SIDT1: variants seen among roughly 807,000 people sequenced by gnomAD.
The protein encoded by SIDT1 is SID1 transmembrane family, member 1.
Under a neutral mutation model 107.5 loss-of-function variants are expected in SIDT1, and 101 were observed. The ratio of observed to expected loss-of-function variants is 0.94; its 90% CI spans 0.80 to 1.11. The LOEUF (loss-of-function observed/expected upper bound fraction) is 1.11. SIDT1 is among the 50% of genes least tolerant of loss of function. SIDT1 has a pLI of 0.00. For missense variants in SIDT1, 1,076 were observed against 1,058.2 expected (o/e 1.02, Z -0.23); for synonymous variants, 395 against 398.2 (o/e 0.99, Z 0.10).
chr3:113,611,839 G>A (rs1037127236), intron 18 of SIDT1, among the ~76,000 whole-genome samples: 28 of 151,802 alleles, frequency 1.8e-4, no homozygotes, highest in African/African-American at 6.0e-4. Flanking sequence ...CTTTAGACCC[G>A]TTGCCCCTTC....
intron 19 of SIDT1, among the ~76,000 whole-genome samples, chr3:113,612,957 T>C (rs1254084616): frequency 6.6e-6 from 1 of 151,916 alleles, no homozygotes; most frequent in African/African-American, 2.4e-5. Context: ...TGTAAGAACA[T>C]CAAAGTCATA....
In SIDT1 at chr3:113,580,613, T is replaced by C; in HGVS notation, c.567T>C (p.Phe189=). 6 of 1,590,388 alleles carry C rather than the reference T, an allele frequency of 3.8e-6. No homozygotes were observed. Among genetic ancestry groups the C allele is most frequent in the Non-Finnish European group, 5.2e-6 (6 of 1,158,794 alleles). The change falls in exon 5 of 25, where the codon TTT becomes TTC. Residue 189 remains phenylalanine, a synonymous_variant. Transcript: ENST00000264852. ...TTTCTTTTTCTTATTCTCAGTATTT[T>C]CTATACAAGTTTCCCAAAGACGTGG... ...FTASPSQPQY[F]LYKFPKDVDS... is the part of the protein sequence containing the mutation.
rs766233454 is a variant in SIDT1 at position 113,623,673 on chromosome 3, C to A, written c.2247C>A (p.Ala749=). ...CAGTCCCGCTCTTCTGCATCGTGGC[C>A]ACCGCTGTGATGTGGGCTGCCGCCC... ...VLPVPLFCIV[A]TAVMWAAALY... Residue 749 remains alanine (A), a synonymous_variant, in exon 23 of 25, where the codon GCC becomes GCA. Transcript: ENST00000264852. The A allele has an allele frequency of 9.9e-6, 16 of 1,614,054 alleles. No individual in the cohort carries two copies. The highest frequency in any genetic ancestry group is 1.4e-5 in the Non-Finnish European group (16 of 1,180,034).
Position 113,608,175 on chromosome 3 carries a change from C to T in SIDT1, c.1560C>T (p.Ile520=). ...TGCTGATAGTCTTGCGCCGCGACAT[C>T]CTCCATCGGAGAGCCCTGGAAGCCA... ...LFLLIVLRRD[I]LHRRALEAKD... is the part of the protein sequence containing the mutation. Residue 520 remains isoleucine (I), a synonymous_variant, in exon 16 of 25, where the codon ATC becomes ATT. Coordinates refer to ENST00000264852, the MANE Select transcript of SIDT1 (RefSeq NM_017699.3). 2.5e-6 allele frequency: 4 copies of T among 1,611,046 alleles called. No individual in the cohort carries two copies. Among genetic ancestry groups the T allele is most frequent in the Non-Finnish European group, 3.4e-6 (4 of 1,178,774 alleles).
intron 6 of SIDT1, chr3:113,581,905 A>G (rs921998458): frequency 6.4e-6 from 1 of 155,098 alleles, no homozygotes; most frequent in Non-Finnish European, 1.4e-5. Context: ...AGACAATGCT[A>G]CTCTACCAGG....
chr3:113,616,083 A>C lies in SIDT1; in HGVS notation c.1967-17A>C. ...TGTTGACTAAGCCTTCTCACCATGC[A>C]TTTGTATTATCAGCAGATTTGGGAA... On this transcript the variant is annotated splice_polypyrimidine_tract_variant and intron_variant, in intron 19 of 24. Coordinates refer to ENST00000264852, the MANE Select transcript of SIDT1 (RefSeq NM_017699.3). 1.9e-6 allele frequency: 3 copies of C among 1,597,474 alleles called. No homozygotes were observed. The highest frequency in any genetic ancestry group is 2.6e-6 in the Non-Finnish European group (3 of 1,164,778).
chr3:113,567,049 T>TA (rs936439884), intron 2 of SIDT1, among the ~76,000 whole-genome samples: 6 of 152,200 alleles, frequency 3.9e-5, no homozygotes, highest in East Asian at 1.9e-4. Context: ...ACTGCACTAA[T>TA]AAAAAAAACT....
rs1040836575 is a variant in SIDT1 at position 113,590,868 on chromosome 3, A to T, written c.1002-2137A>T. On this transcript the variant is annotated intron_variant, in intron 9 of 24. Transcript: ENST00000264852. ...ATGGATTGGAAGATTTAATATTGTTAAGATAATGCAGTAAATAGAATAATG... is the reference window on the plus strand; with the variant it reads ...ATGGATTGGAAGATTTAATATTGTTTAGATAATGCAGTAAATAGAATAATG... 2.0e-5 allele frequency among the ~76,000 whole-genome samples: 3 copies of T among 152,350 alleles called. 1 individual carries two copies. Among genetic ancestry groups the T allele is most frequent in the Admixed American group, 2.0e-4 (3 of 15,302 alleles).
At chr3:113,558,754 T>A (rs1341627167) in intron 1 of SIDT1, among the ~76,000 whole-genome samples, 2 of 152,006 alleles carry the variant, frequency 1.3e-5, no homozygotes, top group South Asian at 2.1e-4. Context: ...AGGAGACTTG[T>A]GTCTTCTCCC....
rs773023268 is a variant in SIDT1, at chr3:113,611,185, C to T, written c.1857+41C>T. The T allele has an allele frequency of 3.1e-6, 5 of 1,603,782 alleles. No homozygotes were observed. The South Asian group carries it at 4.4e-5, about 14-fold the overall frequency. On this transcript the variant is annotated intron_variant, in intron 18 of 24. Transcript: ENST00000264852. ...TCTTCCACCTGGCTCTCGAAAAGTG[C>T]CCCCCTAGGTCCAATAAACAAACAA...
intron 10 of SIDT1, among the ~76,000 whole-genome samples, chr3:113,594,645 G>T (rs938694662): frequency 2.0e-5 from 3 of 152,154 alleles, no homozygotes; most frequent in Middle Eastern, 3.2e-3. Flanking sequence ...CATTGTCCAG[G>T]TTCAGGGAGG....
At chr3:113,602,943 G>C (rs935624623) in intron 11 of SIDT1, 62 bp from the exon 12 acceptor site, 7 of 1,571,122 alleles carry the variant, frequency 4.5e-6, no homozygotes, top group Admixed American at 1.8e-5. Context: ...TTTTTGCAGA[G>C]ACGAATGGGC....
chr3:113,566,853 T>C (rs1189266792), intron 2 of SIDT1, among the ~76,000 whole-genome samples: 1 of 152,188 alleles, frequency 6.6e-6, no homozygotes, highest in African/African-American at 2.4e-5. Context: ...TGTCTAGCAG[T>C]TAACATAAGT....
chr3:113,583,406 CAGA>C lies in SIDT1; in HGVS notation c.751_753del (p.Lys251del), dbSNP rs1465789656. ...TATCATAAGGTTGTTATGTCTTATG[CAGA>C]AGAAGGATTTTCCAGGCGAGCAGTT... On this transcript the variant is annotated splice_acceptor_variant and coding_sequence_variant, in exon 7 of 25. Coordinates refer to ENST00000264852, the MANE Select transcript of SIDT1 (RefSeq NM_017699.3). LOFTEE classifies it high-confidence loss of function. The C allele has an allele frequency of 1.3e-6, 2 of 1,595,954 alleles. No individual in the cohort carries two copies. The highest frequency in any genetic ancestry group is 1.7e-5 in the Admixed American group (1 of 59,882).
intron 1 of SIDT1, among the ~76,000 whole-genome samples, chr3:113,538,301 G>A (rs543264628): frequency 8.5e-4 from 129 of 152,324 alleles, no homozygotes; most frequent in African/African-American, 2.9e-3. Context: ...GGTTGTTTAG[G>A]AGATAACATT....
chr3:113,565,039 G>A (rs982577345), intron 1 of SIDT1, among the ~76,000 whole-genome samples: 4 of 152,172 alleles, frequency 2.6e-5, no homozygotes, highest in African/African-American at 4.8e-5. Context: ...TTGAATGTGC[G>A]ATAGATCATT....
chr3:113,581,255 C>G (rs1034674430), intron 5 of SIDT1, 106 bp from the exon 6 acceptor site: 4 of 887,714 alleles, frequency 4.5e-6, no homozygotes, highest in Non-Finnish European at 7.3e-6. Context: ...AATAAGGATC[C>G]CCTGCTCTGT....
downstream of SIDT1, among the ~76,000 whole-genome samples, chr3:113,631,415 G>A (rs1251211312): frequency 5.3e-5 from 8 of 152,188 alleles, no homozygotes; most frequent in African/African-American, 1.7e-4. Context: ...TGAAACTAAG[G>A]AGAAGCACTA....
Position 113,567,641 on chromosome 3 carries a change from T to G in SIDT1, c.446T>G (p.Val149Gly). The change falls in exon 3 of 25, where the codon GTC becomes GGC. Residue 149 changes from valine (V) to glycine (G), a missense_variant. By Grantham distance (109) the Val-to-Gly change is moderately radical (BLOSUM62 -3). Transcript: ENST00000264852. ...GPLQQLIFVD[V>G]ASMAPLGAQY... is the part of the protein sequence containing the mutation. ...TTGCAGCAACTGATATTTGTAGATG[T>G]CGCATCCATGGCACCCCTGGGTGCT... 6.2e-7 allele frequency: 1 copy of G among 1,614,164 alleles called. No individual in the cohort carries two copies. Among genetic ancestry groups the G allele is most frequent in the Non-Finnish European group, 8.5e-7 (1 of 1,180,008 alleles).
Sources: gnomAD v4.1 joint callset for allele counts (sites outside exome capture counted in the v4.1 genomes callset) on GRCh38, gnomAD v4.1.1 for gene constraint, MANE v1.5 for transcripts, NCBI Gene and HGNC (gene_info 2026-07-23, HGNC 2026-07-21) for gene names.